Variants in CYP2C18 observed in about 807,000 individuals in gnomAD.
The protein encoded by CYP2C18 is cytochrome P450 family 2 subfamily C member 18.
In CYP2C18, 38 loss-of-function variants were observed where a neutral mutation model predicts 41.3. The ratio of observed to expected loss-of-function variants is 0.92; its 90% CI spans 0.71 to 1.21. CYP2C18 has a LOEUF of 1.21. Ranked by LOEUF, CYP2C18 falls within the 50% of genes most tolerant of loss-of-function variation. The pLI, the probability that CYP2C18 is intolerant of heterozygous loss-of-function variation, is 0.00. For missense variants in CYP2C18, 635 were observed against 591.4 expected, an observed-to-expected ratio of 1.07 and a Z score of -0.77; for synonymous variants, 236 against 210.0, an observed-to-expected ratio of 1.12 and a Z score of -1.07.
intron 6 of CYP2C18, 87 bp from the exon 7 acceptor site, chr10:94,724,259 C>G (rs1307992426): frequency 1.5e-6 from 2 of 1,356,268 alleles, no homozygotes; most frequent in East Asian, 2.3e-5. Flanking sequence ...GTTGGGACCC[C>G]TTCCTTATGC....
In CYP2C18 at chr10:94,724,552, CA is replaced by C. The variant is rs769106165; in HGVS notation, c.1149+20del. 6.2e-7 allele frequency: 1 copy of C among 1,604,156 alleles called. No homozygotes were observed. The highest frequency in any genetic ancestry group is 2.2e-5 in the East Asian group (1 of 44,796). ...CCCCAAGGTAAGCTTGTTTCTCCTA[CA>C]CTACATCTCCATGCTCTTCAAGTCC... On this transcript the variant is annotated intron_variant, in intron 7 of 8. Transcript: ENST00000285979.
intron 3 of CYP2C18, among the ~76,000 whole-genome samples, chr10:94,690,913 A>C (rs1235029225): frequency 2.6e-5 from 4 of 152,230 alleles, no homozygotes; most frequent in African/African-American, 9.6e-5. Flanking sequence ...AACAGAACCA[A>C]AGACAAAAAC....
At chr10:94,695,182 G>C (rs780772590) in intron 4 of CYP2C18, 105 bp downstream of exon 4, 1 of 1,049,678 alleles carries the variant, frequency 9.5e-7, no homozygotes, top group Non-Finnish European at 1.4e-6. Context: ...TGGGATATGT[G>C]TGCAGAATGG....
In CYP2C18 at chr10:94,704,211, T is replaced by C. The variant is rs72816641; in HGVS notation, c.643-2573T>C. Among the ~76,000 whole-genome samples the C allele has an allele frequency of 7.4e-3, 1,121 of 152,292 alleles. 5 individuals carry two copies. The highest frequency in any genetic ancestry group is 0.027 in the South Asian group (129 of 4,830). ...CCCAATCCCAGTCCAGAACTTTGTA[T>C]GTACCAAGCTGTGAAGTGAATGTTT... is the stretch of plus-strand genomic sequence containing the variant. On this transcript the variant is annotated intron_variant, in intron 4 of 8. Transcript: ENST00000285979.
At chr10:94,701,593 A>G (rs1847246643) in intron 4 of CYP2C18, among the ~76,000 whole-genome samples, 1 of 152,206 alleles carries the variant, frequency 6.6e-6, no homozygotes, top group South Asian at 2.1e-4. Context: ...CGTTGTGCAC[A>G]TGTACCCTAA....
chr10:94,692,382 C>A (rs1847018909), intron 3 of CYP2C18, among the ~76,000 whole-genome samples: 1 of 133,110 alleles, frequency 7.5e-6, no homozygotes, highest in Non-Finnish European at 1.6e-5. Flanking sequence ...AGACAATTCT[C>A]AAAAGAAGAC....
chr10:94,694,931 C>G lies in CYP2C18; in HGVS notation c.496C>G (p.Pro166Ala), dbSNP rs1847085038. ...LRKTNASPCD[P>A]TFILGCAPCN... ...CAATCCTTTAGCCTCACCCTGTGATCCCACTTTCATCCTGGGCTGTGCTCC... is the reference window on the plus strand; with the variant it reads ...CAATCCTTTAGCCTCACCCTGTGATGCCACTTTCATCCTGGGCTGTGCTCC... The change falls in exon 4 of 9, where the codon CCC becomes GCC. Residue 166 changes from proline (P) to alanine (A), a missense_variant. Coordinates refer to ENST00000285979, the MANE Select transcript of CYP2C18 (RefSeq NM_000772.3). 6.2e-7 allele frequency: 1 copy of G among 1,612,238 alleles called. No individual in the cohort carries two copies.
At chr10:94,694,863 A>C (rs1847083138) in intron 3 of CYP2C18, 54 bp from the exon 4 acceptor site, 1 of 1,558,274 alleles carries the variant, frequency 6.4e-7, no homozygotes, top group Admixed American at 1.9e-5. Flanking sequence ...ATCAAAGACA[A>C]AGTATTTTAT....
chr10:94,710,842 G>T (rs1847423383), intron 5 of CYP2C18, among the ~76,000 whole-genome samples: 1 of 152,176 alleles, frequency 6.6e-6, no homozygotes, highest in Non-Finnish European at 1.5e-5. Flanking sequence ...AGGTCACATG[G>T]AGATTATAAC....
intron 6 of CYP2C18, among the ~76,000 whole-genome samples, chr10:94,723,274 G>A (rs1054645150): frequency 2.6e-5 from 4 of 152,120 alleles, no homozygotes; most frequent in African/African-American, 9.7e-5. Flanking sequence ...GCAGGGATCA[G>A]GAGATCTCAT....
chr10:94,722,092 G>A (rs1589804876), intron 6 of CYP2C18, among the ~76,000 whole-genome samples: 1 of 152,112 alleles, frequency 6.6e-6, no homozygotes, highest in Admixed American at 6.6e-5. Context: ...TTATTGAAGT[G>A]TATAGTGGAT....
chr10:94,687,945 G>C lies in CYP2C18; in HGVS notation c.331+13G>C, dbSNP rs1466950882. On this transcript the variant is annotated intron_variant, in intron 2 of 8. Coordinates refer to ENST00000285979, the MANE Select transcript of CYP2C18 (RefSeq NM_000772.3). Reference sequence around the variant, plus strand: ...AACAAAGGACTTGGTAAATGTGCATGTATCGTGTGTATGTGTACATGTGTA... The same window carrying C: ...AACAAAGGACTTGGTAAATGTGCATCTATCGTGTGTATGTGTACATGTGTA... 1 of 1,612,294 alleles carries C rather than the reference G, an allele frequency of 6.2e-7. No individual in the cohort carries two copies. Among genetic ancestry groups the C allele is most frequent in the Non-Finnish European group, 8.5e-7 (1 of 1,178,986 alleles).
chr10:94,703,019 G>T (rs960257407), intron 4 of CYP2C18, among the ~76,000 whole-genome samples: 8 of 152,148 alleles, frequency 5.3e-5, no homozygotes, highest in African/African-American at 1.2e-4. Flanking sequence ...GGAGTTTGCT[G>T]GGGGTCCACT....
chr10:94,712,030 TAGAGA>T (rs1847446798), intron 5 of CYP2C18, among the ~76,000 whole-genome samples: 11 of 98,420 alleles, frequency 1.1e-4, no homozygotes, highest in South Asian at 7.6e-4. Context: ...TTTTTTTTTG[TAGAGA>T]TAGGGTCTTT....
intron 1 of CYP2C18, among the ~76,000 whole-genome samples, chr10:94,685,604 T>A (rs532320223): frequency 6.6e-6 from 1 of 152,198 alleles, no homozygotes; most frequent in Non-Finnish European, 1.5e-5. Flanking sequence ...TCTCTTTTAT[T>A]CTTTGCATAT....
chr10:94,702,088 T>C (rs2134187379), intron 4 of CYP2C18, among the ~76,000 whole-genome samples: 1 of 152,346 alleles, frequency 6.6e-6, no homozygotes, highest in South Asian at 2.1e-4. Flanking sequence ...TTGTCTGGTG[T>C]CTGCACAGAG....
At chr10:94,696,219 G>A (rs1179862909) in intron 4 of CYP2C18, among the ~76,000 whole-genome samples, 2 of 152,144 alleles carry the variant, frequency 1.3e-5, no homozygotes, top group Admixed American at 1.3e-4. Flanking sequence ...AGCCTAACTG[G>A]GAGGCACACC....
intron 5 of CYP2C18, among the ~76,000 whole-genome samples, chr10:94,710,247 A>G (rs1430148428): frequency 6.6e-6 from 1 of 152,232 alleles, no homozygotes; most frequent in African/African-American, 2.4e-5. Context: ...CTGGGATCAC[A>G]GGAGTGAACC....
Position 94,735,533 on chromosome 10 carries a change from G to T in CYP2C18, c.*89G>T. On this transcript the variant is annotated 3_prime_UTR_variant, in exon 9 of 9. Transcript: ENST00000285979. ...TGGCCTCTCCCTTCTCTCTGTGAGG[G>T]ATATTTTCTCTGACTTGTCAATCCA... 7.8e-7 allele frequency: 1 copy of T among 1,289,700 alleles called. No homozygotes were observed. The highest frequency in any genetic ancestry group is 1.1e-6 in the Non-Finnish European group (1 of 906,204). 79.9% of individuals were successfully genotyped at this position (1,289,700 alleles called of 1,614,324 possible).
Sources: allele counts gnomAD v4.1 joint callset (sites outside exome capture counted in the v4.1 genomes callset), GRCh38; gene constraint gnomAD v4.1.1; transcripts MANE v1.5; gene names NCBI Gene and HGNC (gene_info 2026-07-23, HGNC 2026-07-21).